RIMS2: variants seen among roughly 807,000 people sequenced by gnomAD.
RIMS2 encodes regulating synaptic membrane exocytosis 2, also known as regulating synaptic membrane exocytosis protein 2.
RIMS2 carries 59 observed loss-of-function variants against 174.4 expected under a neutral mutation model. That is an observed-to-expected ratio of 0.34 (90% CI 0.27 to 0.42). RIMS2 has a LOEUF of 0.42. Among genes scored for constraint, RIMS2 ranks in the 10% least tolerant of loss-of-function variants. The probability of loss-of-function intolerance (pLI) is 1.00; values close to 1 mark genes in which losing one functional copy is unlikely to be tolerated. For missense variants in RIMS2, 1,620 were observed against 1,666.3 expected, an observed-to-expected ratio of 0.97 and a Z score of 0.48; for synonymous variants, 606 against 572.5, an observed-to-expected ratio of 1.06 and a Z score of -0.84.
rs753773703 is a variant in RIMS2, at chr8:103,975,512, A to G, written c.2927+6A>G. The G allele has an allele frequency of 1.1e-5, 17 of 1,607,306 alleles. No individual in the cohort carries two copies. The highest frequency in any genetic ancestry group is 1.7e-5 in the Admixed American group (1 of 59,756). On this transcript the variant is annotated splice_donor_region_variant and intron_variant, in intron 16 of 23. Coordinates refer to ENST00000504942, the Ensembl canonical transcript of RIMS2. ...AGTGTCCCTCCTCCACAAAGGTAAG[A>G]TAGACTACTTATTTTATTTGTAGGG...
intron 15 of RIMS2, among the ~76,000 whole-genome samples, chr8:103,969,962 C>A (rs576954431): frequency 7.3e-4 from 111 of 152,232 alleles, no homozygotes; most frequent in South Asian, 1.7e-3. Context: ...GTTTCCCAGA[C>A]AGGTCTTCAA....
At chr8:103,960,779 T>G (rs1423738745) in intron 14 of RIMS2, among the ~76,000 whole-genome samples, 1 of 152,184 alleles carries the variant, frequency 6.6e-6, no homozygotes, top group African/African-American at 2.4e-5. Flanking sequence ...CACATATTAT[T>G]TAGTATTTAA....
At chr8:104,061,366 C>G (rs1042735523) in intron 19 of RIMS2, among the ~76,000 whole-genome samples, 3 of 151,974 alleles carry the variant, frequency 2.0e-5, no homozygotes, top group Non-Finnish European at 4.4e-5. Flanking sequence ...GGTTTAAAGT[C>G]TGTTTTATAG....
intron 14 of RIMS2, among the ~76,000 whole-genome samples, chr8:103,957,883 A>G (rs563996275): frequency 6.6e-6 from 1 of 152,370 alleles, no homozygotes; most frequent in South Asian, 2.1e-4. Context: ...AATGGCTATC[A>G]TTAAAAAGTC....
chr8:104,207,101 T>C (rs2099083911), intron 19 of RIMS2, among the ~76,000 whole-genome samples: 2 of 152,180 alleles, frequency 1.3e-5, no homozygotes, highest in African/African-American at 4.8e-5. Flanking sequence ...CAGGCTTCTT[T>C]TTTTACATAT....
intron 2 of RIMS2, among the ~76,000 whole-genome samples, chr8:103,721,299 T>C (rs140539685): frequency 6.6e-6 from 1 of 152,298 alleles, no homozygotes; most frequent in African/African-American, 2.4e-5. Flanking sequence ...TTAAACCTAT[T>C]TTCTTTATAA....
chr8:103,974,753 A>T (rs1432350388), intron 15 of RIMS2, among the ~76,000 whole-genome samples: 1 of 152,186 alleles, frequency 6.6e-6, no homozygotes, highest in Non-Finnish European at 1.5e-5. Context: ...TGATAGGTGC[A>T]GTGGCACGGG....
chr8:103,975,387 A>G lies in RIMS2; in HGVS notation c.2808A>G (p.Thr936=), dbSNP rs752750439. The change falls in exon 16 of 24, where the codon ACA becomes ACG. Residue 936 remains threonine, a synonymous_variant. Transcript: ENST00000504942. Reference sequence around the variant, plus strand: ...ATGGTCGAGATCTTCAAAGCTCAACATTATCAGTGCCAGAACAAGTAATGT... The same window carrying G: ...ATGGTCGAGATCTTCAAAGCTCAACGTTATCAGTGCCAGAACAAGTAATGT... The G allele has an allele frequency of 4.3e-6, 7 of 1,613,076 alleles. No individual in the cohort carries two copies. In the African/African-American group the frequency reaches 5.3e-5, roughly 12 times the overall value.
chr8:104,146,664 G>C (rs988439210), intron 19 of RIMS2, among the ~76,000 whole-genome samples: 1 of 152,084 alleles, frequency 6.6e-6, no homozygotes, highest in Non-Finnish European at 1.5e-5. Flanking sequence ...TAGTAGATTA[G>C]GTGGTTCTTT....
intron 2 of RIMS2, among the ~76,000 whole-genome samples, chr8:103,717,382 G>A (rs2097384488): frequency 6.6e-6 from 1 of 150,590 alleles, no homozygotes; most frequent in South Asian, 2.1e-4. Flanking sequence ...GTCAATTTCT[G>A]TAGACATGTC....
chr8:103,611,062 G>A (rs1368005634), intron 1 of RIMS2, among the ~76,000 whole-genome samples: 1 of 152,088 alleles, frequency 6.6e-6, no homozygotes, highest in African/African-American at 2.4e-5. Context: ...GAGGTTGTAT[G>A]TTTTTAGGAA....
At chr8:104,040,132 G>T (rs1386082236) in intron 19 of RIMS2, among the ~76,000 whole-genome samples, 5 of 151,542 alleles carry the variant, frequency 3.3e-5, no homozygotes, top group Admixed American at 6.6e-5. Flanking sequence ...AGACAAATTT[G>T]TCATAGGAAA....
chr8:104,070,052 C>T (rs762187008), intron 19 of RIMS2, among the ~76,000 whole-genome samples: 1 of 152,156 alleles, frequency 6.6e-6, no homozygotes, highest in Non-Finnish European at 1.5e-5. Flanking sequence ...CATACTTAAT[C>T]TGCAGTTTCT....
At chr8:103,949,513 A>G (rs2084795162) in intron 14 of RIMS2, among the ~76,000 whole-genome samples, 2 of 152,238 alleles carry the variant, frequency 1.3e-5, no homozygotes, top group South Asian at 4.1e-4. Flanking sequence ...TGAAATATTT[A>G]TAAATGAAAT....
intron 4 of RIMS2, among the ~76,000 whole-genome samples, chr8:103,889,115 T>G (rs1011020546): frequency 2.6e-5 from 4 of 151,758 alleles, no homozygotes; most frequent in African/African-American, 9.7e-5. Context: ...TGTGGAAAAT[T>G]GGCAATTTGA....
At chr8:103,754,757 C>G (rs1564518096) in intron 2 of RIMS2, among the ~76,000 whole-genome samples, 1 of 151,832 alleles carries the variant, frequency 6.6e-6, no homozygotes, top group Non-Finnish European at 1.5e-5. Context: ...ATAACCCCTG[C>G]TTTTTTTTGC....
intron 19 of RIMS2, among the ~76,000 whole-genome samples, chr8:104,174,277 A>C (rs536011859): frequency 2.0e-4 from 30 of 152,266 alleles, no homozygotes; most frequent in African/African-American, 7.0e-4. Flanking sequence ...TTACTAAAGA[A>C]GTTTAGGAAA....
intron 1 of RIMS2, among the ~76,000 whole-genome samples, chr8:103,600,436 A>G (rs2094680000): frequency 6.6e-6 from 1 of 151,922 alleles, no homozygotes; most frequent in African/African-American, 2.4e-5. Flanking sequence ...TGCCTCGCTA[A>G]TTTTTTGTAT....
At chr8:103,686,623 C>T (rs946542624) in intron 1 of RIMS2, among the ~76,000 whole-genome samples, 1 of 152,148 alleles carries the variant, frequency 6.6e-6, no homozygotes, top group Non-Finnish European at 1.5e-5. Flanking sequence ...AACTTACATT[C>T]CTAAGATAAA....
Sources: allele counts gnomAD v4.1 joint callset (sites outside exome capture counted in the v4.1 genomes callset), GRCh38; gene constraint gnomAD v4.1.1; transcripts MANE v1.5; gene names NCBI Gene and HGNC (gene_info 2026-07-23, HGNC 2026-07-21).